CNOT11: variants seen among roughly 807,000 people sequenced by gnomAD.
CNOT11 encodes CCR4-NOT transcription complex subunit 11, also known as UPF0760 protein C2orf29.
In CNOT11, 18 loss-of-function variants were observed where a neutral mutation model predicts 44.6. The observed-to-expected ratio is 0.40, with a 90% confidence interval of 0.28 to 0.60. The LOEUF is 0.60. CNOT11 is among the 20% of genes least tolerant of loss of function. CNOT11 has a pLI of 0.38. For synonymous variants in CNOT11, 291 were observed against 270.9 expected, an observed-to-expected ratio of 1.07 and a Z score of -0.73; for missense variants, 513 against 677.0, an observed-to-expected ratio of 0.76 and a Z score of 2.69.
chr2:101,268,002 C>CT (rs1426120328), intron 5 of CNOT11, among the ~76,000 whole-genome samples: 1 of 152,142 alleles, frequency 6.6e-6, no homozygotes, highest in Non-Finnish European at 1.5e-5. Flanking sequence ...AGAATGTGTC[C>CT]TTTTTTCATC....
intron 2 of CNOT11, 69 bp downstream of exon 2, chr2:101,258,024 C>A: frequency 7.0e-7 from 1 of 1,429,614 alleles, no homozygotes; most frequent in Non-Finnish European, 9.6e-7. Context: ...GAGGACTCTA[C>A]TAAAATGATG....
intron 3 of CNOT11, among the ~76,000 whole-genome samples, chr2:101,263,532 A>G (rs1681914609): frequency 1.3e-5 from 2 of 152,182 alleles, no homozygotes; most frequent in African/African-American, 4.8e-5. Context: ...ACAGGCATGC[A>G]CCACTCTACC....
At position 101,253,605 on chromosome 2, in the gene CNOT11, C is replaced by T. The variant is rs1224769427; in HGVS notation, c.514+127C>T. ...GTGAAATGATCATCCTCTTTTTCCG[C>T]CTCTCTCTGCGTTCCCACGCCCCTC... On this transcript the variant is annotated intron_variant, in intron 1 of 6. Transcript: ENST00000289382. The surrounding 1 kb of genome is among the most constrained non-coding windows in gnomAD (Gnocchi z 4.3). The T allele has an allele frequency of 4.3e-6, 4 of 940,364 alleles. No individual in the cohort carries two copies. The African/African-American group carries it at 5.3e-5, about 12-fold the overall frequency. 58.3% of individuals were successfully genotyped at this position (940,364 alleles called of 1,614,324 possible).
intron 4 of CNOT11, among the ~76,000 whole-genome samples, chr2:101,266,335 GA>G (rs367769063): frequency 2.0e-5 from 3 of 148,650 alleles, no homozygotes; most frequent in Middle Eastern, 3.5e-3. Flanking sequence ...ACAGATGACA[GA>G]AAAAAAAAAC....
At chr2:101,266,196 T>C (rs1355200507) in intron 4 of CNOT11, among the ~76,000 whole-genome samples, 1 of 152,218 alleles carries the variant, frequency 6.6e-6, no homozygotes, top group African/African-American at 2.4e-5. Flanking sequence ...GCAGGTCAGC[T>C]GTCCGGATTC....
Position 101,269,476 on chromosome 2 carries a change from C to A in CNOT11, c.*63C>A. 2 of 1,401,196 alleles carry A rather than the reference C, an allele frequency of 1.4e-6. No individual in the cohort carries two copies. The highest frequency in any genetic ancestry group is 2.0e-6 in the Non-Finnish European group (2 of 996,750). The allele number at this position is 1,401,196 out of a possible 1,614,324, so 86.8% of individuals were successfully genotyped here. A position where few individuals can be genotyped will look rare whatever the true frequency, so the allele number is the denominator to read the frequency against. ...CTGTACTGTGATTTAGTTTTTACAC[C>A]GTTAAAACCCTGAGTGGATTGCTTG... On this transcript the variant is annotated 3_prime_UTR_variant, in exon 7 of 7. Transcript: ENST00000289382. This position sits in a 1 kb window ranked among gnomAD's most constrained non-coding sequence, Gnocchi z 4.8.
Position 101,264,946 on chromosome 2 carries a change from T to C in CNOT11, c.934T>C (p.Trp312Arg). 6.2e-7 allele frequency: 1 copy of C among 1,614,108 alleles called. No individual in the cohort carries two copies. Among genetic ancestry groups the C allele is most frequent in the Non-Finnish European group, 8.5e-7 (1 of 1,179,998 alleles). The change falls in exon 4 of 7, where the codon TGG (tryptophan) becomes CGG (arginine). Residue 312 changes from tryptophan to arginine, a missense_variant. Trp to Arg is a moderately radical substitution (Grantham distance 101, BLOSUM62 -3). Transcript: ENST00000289382. ...CACGGAGCCTGACCACGCGATCCAG[T>C]GGGATAAATCGATGTGTGTTAAGAA... ...NPTEPDHAIQ[W>R]DKSMCVKNST...
At position 101,269,608 on chromosome 2, in the gene CNOT11, C is replaced by T; in HGVS notation, c.*195C>T. 2.1e-6 allele frequency: 1 copy of T among 473,630 alleles called. No homozygotes were observed. The highest frequency in any genetic ancestry group is 3.7e-6 in the Non-Finnish European group (1 of 270,214). The allele number at this position is 473,630 out of a possible 1,614,324, so 29.3% of individuals were successfully genotyped here. ...TTGATAAGAACTAGGGAAAACATGT[C>T]TTTTAGGTGTCTTGCTGATGACTAT... On this transcript the variant is annotated 3_prime_UTR_variant, in exon 7 of 7. Transcript: ENST00000289382. This position sits in a 1 kb window ranked among gnomAD's most constrained non-coding sequence, Gnocchi z 4.8.
intron 3 of CNOT11, 86 bp from the exon 4 acceptor site, chr2:101,264,759 T>C: frequency 9.4e-7 from 1 of 1,061,736 alleles, no homozygotes. Flanking sequence ...AAGAGATTTC[T>C]TTGCATACTT....
intron 2 of CNOT11, among the ~76,000 whole-genome samples, chr2:101,261,281 C>A (rs1681855629): frequency 6.6e-6 from 1 of 152,200 alleles, no homozygotes; most frequent in African/African-American, 2.4e-5. Flanking sequence ...CCTATAGTTT[C>A]ACTTTGCATG....
Position 101,269,025 on chromosome 2 carries a change from T to C in CNOT11, c.1239-15T>C. 6.5e-7 allele frequency: 1 copy of C among 1,532,138 alleles called. No homozygotes were observed. The allele number at this position is 1,532,138 out of a possible 1,614,324, so 94.9% of individuals were successfully genotyped here. On this transcript the variant is annotated splice_polypyrimidine_tract_variant and intron_variant, in intron 5 of 6. Transcript: ENST00000289382. The surrounding 1 kb of genome is among the most constrained non-coding windows in gnomAD (Gnocchi z 4.8). ...CAAATGAAATTAATGGGCCAAATTTTCTTTTACGAAACAGACTAACTACAG... is the reference window on the plus strand; with the variant it reads ...CAAATGAAATTAATGGGCCAAATTTCCTTTTACGAAACAGACTAACTACAG...
At position 101,253,575 on chromosome 2, in the gene CNOT11, T is replaced by C. The variant is rs1281583801; in HGVS notation, c.514+97T>C. On this transcript the variant is annotated intron_variant, in intron 1 of 6. Coordinates refer to ENST00000289382, the MANE Select transcript of CNOT11 (RefSeq NM_017546.5). This position sits in a 1 kb window ranked among gnomAD's most constrained non-coding sequence, Gnocchi z 4.3. ...ACTCACCTGAAAGGGAAATTAACTA[T>C]CCCTGTGAAATGATCATCCTCTTTT... 3 of 1,098,010 alleles carry C rather than the reference T, an allele frequency of 2.7e-6. No individual in the cohort carries two copies. Among genetic ancestry groups the C allele is most frequent in the Non-Finnish European group, 3.7e-6 (3 of 815,386 alleles). The allele number at this position is 1,098,010 out of a possible 1,614,324, so 68.0% of individuals were successfully genotyped here.
At chr2:101,258,813 C>CA (rs34756086) in intron 2 of CNOT11, among the ~76,000 whole-genome samples, 1,038 of 99,610 alleles carry the variant, frequency 0.01, 13 homozygotes, top group African/African-American at 0.03. Flanking sequence ...GAGTCTGTCT[C>CA]AAAAAAAAAA....
In CNOT11 at chr2:101,253,274, C is replaced by T. The variant is rs1409167373; in HGVS notation, c.310C>T (p.Leu104=). The change falls in exon 1 of 7, where the codon CTG becomes TTG. Residue 104 remains leucine (L), a synonymous_variant. Transcript: ENST00000289382. The surrounding 1 kb of genome is among the most constrained non-coding windows in gnomAD (Gnocchi z 4.3). The stretch of plus-strand genomic sequence containing the variant: ...CTTCAGCAAGGCCGACCACTTCCGC[C>T]TGGGCTCGGTGCTCGTCATGCTGCT... The part of the protein sequence containing the change: ...HYFSKADHFR[L]GSVLVMLLQQ... 1.2e-6 allele frequency: 2 copies of T among 1,611,768 alleles called. No individual in the cohort carries two copies. The highest frequency in any genetic ancestry group is 2.2e-5 in the East Asian group (1 of 44,842).
In CNOT11 at chr2:101,253,003, T is replaced by A; in HGVS notation, c.39T>A (p.Leu13=). 2 of 1,499,354 alleles carry A rather than the reference T, an allele frequency of 1.3e-6. No homozygotes were observed. The highest frequency in any genetic ancestry group is 1.8e-6 in the Non-Finnish European group (2 of 1,131,468). The allele number at this position is 1,499,354 out of a possible 1,614,324, so 92.9% of individuals were successfully genotyped here. Residue 13 remains leucine, a synonymous_variant, in exon 1 of 7, where the codon CTT becomes CTA. Transcript: ENST00000289382. The surrounding 1 kb of genome is among the most constrained non-coding windows in gnomAD (Gnocchi z 4.3). ...GGGASAASGR[L]LTAAEQRGSR... is the part of the protein sequence containing the mutation. ...GGGCGAGCGCGGCGTCTGGCCGGCT[T>A]CTCACCGCCGCGGAGCAAAGAGGGT... is the stretch of plus-strand genomic sequence containing the variant.
intron 2 of CNOT11, 78 bp from the exon 3 acceptor site, chr2:101,262,461 A>G (rs1681886750): frequency 7.5e-7 from 1 of 1,337,096 alleles, no homozygotes; most frequent in Non-Finnish European, 1.1e-6. Flanking sequence ...TCTGTTACAG[A>G]TAGCTTGCCT....
At chr2:101,260,405 C>T (rs555733264) in intron 2 of CNOT11, among the ~76,000 whole-genome samples, 40 of 152,182 alleles carry the variant, frequency 2.6e-4, no homozygotes, top group African/African-American at 8.7e-4. Flanking sequence ...AAGTATATCA[C>T]GTGGAGGAAG....
intron 2 of CNOT11, among the ~76,000 whole-genome samples, chr2:101,259,374 C>T (rs1681801272): frequency 6.6e-6 from 1 of 152,236 alleles, no homozygotes; most frequent in South Asian, 2.1e-4. Flanking sequence ...CTGTGTTAAA[C>T]CTGTAAGCAA....
At position 101,269,008 on chromosome 2, in the gene CNOT11, A is replaced by ATT; in HGVS notation, c.1239-31_1239-30dup. 1 of 1,417,152 alleles carries ATT rather than the reference A, an allele frequency of 7.1e-7. No individual in the cohort carries two copies. 87.8% of individuals were successfully genotyped at this position (1,417,152 alleles called of 1,614,324 possible). On this transcript the variant is annotated intron_variant, in intron 5 of 6. Coordinates refer to ENST00000289382, the MANE Select transcript of CNOT11 (RefSeq NM_017546.5). This position sits in a 1 kb window ranked among gnomAD's most constrained non-coding sequence, Gnocchi z 4.8. ...GTGTTTCTCAATGTTAGCAAATGAA[A>ATT]TTAATGGGCCAAATTTTCTTTTACG...
Sources: gnomAD v4.1 joint callset for allele counts (sites outside exome capture counted in the v4.1 genomes callset) on GRCh38, gnomAD v4.1.1 for gene constraint, Gnocchi (gnomAD v3.1) non-coding constraint, MANE v1.5 for transcripts, NCBI Gene and HGNC (gene_info 2026-07-23, HGNC 2026-07-21) for gene names.